Variants in FRMPD1 observed in about 807,000 individuals in gnomAD.
FRMPD1 encodes the protein FERM and PDZ domain containing 1.
A neutral mutation model predicts 117.8 loss-of-function variants in FRMPD1; 76 were observed. That is an observed-to-expected ratio of 0.65 (90% CI 0.54 to 0.78). The LOEUF (loss-of-function observed/expected upper bound fraction) is 0.78. Among genes scored for constraint, FRMPD1 ranks in the 30% least tolerant of loss-of-function variants. The pLI, the probability that FRMPD1 is intolerant of heterozygous loss-of-function variation, is 0.00. For missense variants in FRMPD1, 1,786 were observed against 1,964.5 expected, an observed-to-expected ratio of 0.91 and a Z score of 1.72; for synonymous variants, 783 against 770.4, an observed-to-expected ratio of 1.02 and a Z score of -0.27.
chr9:37,736,561 C>T (rs993820831), intron 13 of FRMPD1, among the ~76,000 whole-genome samples: 3 of 150,654 alleles, frequency 2.0e-5, no homozygotes, highest in African/African-American at 7.3e-5. Context: ...GTAACTAGTG[C>T]AGGGTACCTC....
intron 5 of FRMPD1, among the ~76,000 whole-genome samples, chr9:37,713,182 T>C (rs962331823): frequency 6.6e-6 from 1 of 152,152 alleles, no homozygotes; most frequent in Non-Finnish European, 1.5e-5. Flanking sequence ...TTAAAAAGGA[T>C]AATGAGGATG....
the FRMPD1 span, chr9:37,636,842 C>G: frequency 6.2e-7 from 1 of 1,611,538 alleles, no homozygotes; most frequent in Middle Eastern, 1.7e-4. Flanking sequence ...ATTCTTGGCA[C>G]TCGTCTCCAA....
chr9:37,651,793 T>TG (rs780977633), intron 1 of FRMPD1, among the ~76,000 whole-genome samples: 20 of 152,248 alleles, frequency 1.3e-4, no homozygotes, highest in Non-Finnish European at 2.8e-4. Context: ...TTTTGCCACC[T>TG]ATAAAATAGG....
chr9:37,670,290 TCAAAAATAACTATAATC>T (rs1222224992), intron 1 of FRMPD1, among the ~76,000 whole-genome samples: 1 of 152,126 alleles, frequency 6.6e-6, no homozygotes, highest in Non-Finnish European at 1.5e-5. Context: ...GAGAACATGT[TCAAAAATAACTATAATC>T]CAAGCTAGCC....
the FRMPD1 span, among the ~76,000 whole-genome samples, chr9:37,603,717 C>T: frequency 7.9e-5 from 12 of 151,890 alleles, no homozygotes; most frequent in African/African-American, 2.4e-4. Flanking sequence ...TTGCTCTTGT[C>T]GTCCAGGCTG....
rs536252316 is a variant in FRMPD1, at chr9:37,732,017, A to G, written c.859-287A>G. Among the ~76,000 whole-genome samples, 8 of 152,376 alleles carry G rather than the reference A, an allele frequency of 5.3e-5. No individual in the cohort carries two copies. The East Asian group carries it at 7.7e-4, about 15-fold the overall frequency. Reference sequence around the variant, plus strand: ...TAATAATAATAGCAATAACAACGCCATCAATACTTTATATTTGTATAACAC... The same window carrying G: ...TAATAATAATAGCAATAACAACGCCGTCAATACTTTATATTTGTATAACAC... On this transcript the variant is annotated intron_variant, in intron 9 of 15. Transcript: ENST00000377765.
Position 37,744,385 on chromosome 9 carries a change from C to G in FRMPD1, c.2357-4C>G, listed in dbSNP as rs970984566. 6.4e-7 allele frequency: 1 copy of G among 1,569,594 alleles called. No individual in the cohort carries two copies. Among genetic ancestry groups the G allele is most frequent in the Non-Finnish European group, 8.6e-7 (1 of 1,159,406 alleles). The stretch of plus-strand genomic sequence containing the variant: ...TAATGTATTTTTTCTTTCCTGACTC[C>G]CAGGGCCCAGAGATGTTTCTACTGC... On this transcript the variant is annotated splice_region_variant and splice_polypyrimidine_tract_variant and intron_variant, in intron 15 of 15. Coordinates refer to ENST00000377765, the MANE Select transcript of FRMPD1 (RefSeq NM_014907.3).
intron 1 of FRMPD1, among the ~76,000 whole-genome samples, chr9:37,682,253 T>A (rs537042003): frequency 1.1e-4 from 17 of 152,246 alleles, no homozygotes; most frequent in South Asian, 1.0e-3. Flanking sequence ...CCAAATGGAG[T>A]TATGGATTCC....
intron 2 of FRMPD1, among the ~76,000 whole-genome samples, chr9:37,700,374 TG>T (rs1387356093): frequency 6.6e-6 from 1 of 152,246 alleles, no homozygotes; most frequent in Non-Finnish European, 1.5e-5. Flanking sequence ...TACAGACTGA[TG>T]CCTCTATTTC....
At chr9:37,717,379 ATAT>A (rs1417190537) in intron 5 of FRMPD1, among the ~76,000 whole-genome samples, 48 of 113,902 alleles carry the variant, frequency 4.2e-4, no homozygotes, top group East Asian at 1.5e-3. Context: ...GTATATATAT[ATAT>A]TTTTTTTTTT....
intron 5 of FRMPD1, among the ~76,000 whole-genome samples, chr9:37,713,585 A>G (rs1822990428): frequency 1.4e-5 from 2 of 145,282 alleles, no homozygotes; most frequent in Middle Eastern, 3.4e-3. Flanking sequence ...GTGAGACCGT[A>G]TATATATATA....
At chr9:37,609,502 TC>T in the FRMPD1 span, among the ~76,000 whole-genome samples, 1 of 152,084 alleles carries the variant, frequency 6.6e-6, no homozygotes, top group Non-Finnish European at 1.5e-5. Flanking sequence ...TCCAATCTGG[TC>T]AGCAAATCCT....
chr9:37,619,436 A>C, the FRMPD1 span, among the ~76,000 whole-genome samples: 1 of 152,210 alleles, frequency 6.6e-6, no homozygotes, highest in Non-Finnish European at 1.5e-5. Flanking sequence ...GTATTAATAT[A>C]GAAATGGAGT....
chr9:37,713,604 G>A (rs576338277), intron 5 of FRMPD1, among the ~76,000 whole-genome samples: 2 of 151,958 alleles, frequency 1.3e-5, no homozygotes, highest in East Asian at 1.9e-4. Context: ...TATATGTAGA[G>A]AGAGAGAGAG....
chr9:37,625,608 G>C, the FRMPD1 span, among the ~76,000 whole-genome samples: 8 of 152,328 alleles, frequency 5.3e-5, no homozygotes, highest in East Asian at 1.5e-3. Flanking sequence ...ACCTGTCCCA[G>C]GGTCCTGTTG....
At chr9:37,613,622 A>G in the FRMPD1 span, among the ~76,000 whole-genome samples, 3,485 of 152,318 alleles carry the variant, frequency 0.023, 135 homozygotes, top group African/African-American at 0.078. Flanking sequence ...GTAGTCAACC[A>G]TGGACTGAAA....
At chr9:37,666,322 C>T (rs767782848) in intron 1 of FRMPD1, among the ~76,000 whole-genome samples, 9 of 152,148 alleles carry the variant, frequency 5.9e-5, no homozygotes, top group Non-Finnish European at 1.3e-4. Flanking sequence ...AGTACTGTGG[C>T]TAGGAGTGAA....
At chr9:37,736,146 G>A (rs112706811) in intron 13 of FRMPD1, among the ~76,000 whole-genome samples, 1,543 of 151,862 alleles carry the variant, frequency 0.01, 13 homozygotes, top group Middle Eastern at 0.037. Context: ...GACTACAGGC[G>A]CCCACCACCA....
chr9:37,739,953 T>C lies in FRMPD1; in HGVS notation c.1550-125T>C, dbSNP rs1824302624. 4.2e-6 allele frequency: 3 copies of C among 722,862 alleles called. No homozygotes were observed. In the African/African-American group the frequency reaches 5.3e-5, roughly 13 times the overall value. The allele number at this position is 722,862 out of a possible 1,614,324, so 44.8% of individuals were successfully genotyped here. ...CGTGTTCGTCAGTATAGGACGGTCTTAGGCCAGCCACCCTCTGGCCCTCAG... is the reference window on the plus strand; with the variant it reads ...CGTGTTCGTCAGTATAGGACGGTCTCAGGCCAGCCACCCTCTGGCCCTCAG... On this transcript the variant is annotated intron_variant, in intron 14 of 15. Transcript: ENST00000377765.
Sources: allele counts gnomAD v4.1 joint callset (sites outside exome capture counted in the v4.1 genomes callset), GRCh38; gene constraint gnomAD v4.1.1; transcripts MANE v1.5; gene names NCBI Gene and HGNC (gene_info 2026-07-23, HGNC 2026-07-21).